The following ZNF248 variants were observed in gnomAD, a reference collection of about 807,000 sequenced individuals.
ZNF248 encodes the protein zinc finger protein 248.
ZNF248 carries 20 observed loss-of-function variants against 44.3 expected under a neutral mutation model. The ratio of observed to expected loss-of-function variants is 0.45; its 90% CI spans 0.32 to 0.66. The LOEUF (loss-of-function observed/expected upper bound fraction) is 0.66. Among genes scored for constraint, ZNF248 ranks in the 30% least tolerant of loss-of-function variants. The pLI, the probability that ZNF248 is intolerant of heterozygous loss-of-function variation, is 0.04. For synonymous variants in ZNF248, 224 were observed against 229.0 expected, an observed-to-expected ratio of 0.98 and a Z score of 0.20; for missense variants, 654 against 677.0, an observed-to-expected ratio of 0.97 and a Z score of 0.38.
At chr10:37,802,346 G>A (rs1478790482) in intron 6 of ZNF248, among the ~76,000 whole-genome samples, 2 of 152,140 alleles carry the variant, frequency 1.3e-5, no homozygotes, top group Non-Finnish European at 2.9e-5. Context: ...TAGAAAACTT[G>A]CATGCAAGGT....
chr10:37,813,644 A>G (rs1454118409), intron 6 of ZNF248, among the ~76,000 whole-genome samples: 1 of 152,176 alleles, frequency 6.6e-6, no homozygotes, highest in Non-Finnish European at 1.5e-5. Context: ...ATAGTATATA[A>G]TACATATACA....
At chr10:37,813,759 T>C (rs1008272584) in intron 6 of ZNF248, among the ~76,000 whole-genome samples, 3 of 152,206 alleles carry the variant, frequency 2.0e-5, no homozygotes, top group Non-Finnish European at 4.4e-5. Context: ...TGCGTGTGCA[T>C]GTGTTTGTGT....
chr10:37,838,097 G>T lies in ZNF248; in HGVS notation c.30C>A (p.Phe10Leu). 6.2e-7 allele frequency: 1 copy of T among 1,612,544 alleles called. No individual in the cohort carries two copies. Among genetic ancestry groups the T allele is most frequent in the South Asian group, 1.1e-5 (1 of 90,952 alleles). The change falls in exon 4 of 6, where the codon TTC (phenylalanine) becomes TTA (leucine). Residue 10 changes from phenylalanine (F) to leucine (L), a missense_variant. Transcript: ENST00000395867. Reference protein sequence around the residue: MNKSQEQVSFKDVCVDFTQE... With the variant: MNKSQEQVSLKDVCVDFTQE... ...GAGTGAAGTCCACACATACATCCTT[G>T]AATGACACTTGTTCCTGTAATAGTA...
chr10:37,794,237 A>T (rs1197226498), intron 6 of ZNF248: 1 of 152,254 alleles, frequency 6.6e-6, no homozygotes, highest in Non-Finnish European at 1.5e-5. Context: ...GATTTCTTAC[A>T]TTCATTATAC....
At chr10:37,784,922 T>G (rs2047709975) in intron 6 of ZNF248, among the ~76,000 whole-genome samples, 1 of 152,204 alleles carries the variant, frequency 6.6e-6, no homozygotes, top group South Asian at 2.1e-4. Context: ...GTTGGACACT[T>G]ACCCCACCGT....
At chr10:37,838,631 C>CA (rs1463106060) in intron 3 of ZNF248, among the ~76,000 whole-genome samples, 2 of 151,862 alleles carry the variant, frequency 1.3e-5, no homozygotes, top group African/African-American at 4.8e-5. Context: ...CCTCTCCGCT[C>CA]AATGAGATCA....
At chr10:37,836,909 T>C (rs1295371265) in intron 5 of ZNF248, among the ~76,000 whole-genome samples, 1 of 152,072 alleles carries the variant, frequency 6.6e-6, no homozygotes, top group Admixed American at 6.6e-5. Context: ...CATCATATGT[T>C]GTTAAATGAA....
At chr10:37,850,642 C>A (rs1355414003) in intron 3 of ZNF248, among the ~76,000 whole-genome samples, 2 of 152,146 alleles carry the variant, frequency 1.3e-5, no homozygotes, top group Non-Finnish European at 2.9e-5. Flanking sequence ...TAGGCCTACA[C>A]AAATATACTT....
At chr10:37,811,519 G>C (rs2051486104) in intron 6 of ZNF248, among the ~76,000 whole-genome samples, 1 of 152,044 alleles carries the variant, frequency 6.6e-6, no homozygotes, top group Admixed American at 6.5e-5. Context: ...CGGCTTGATA[G>C]TTTTAGAAAG....
chr10:37,780,786 G>A (rs541628502), intron 6 of ZNF248, among the ~76,000 whole-genome samples: 3 of 152,180 alleles, frequency 2.0e-5, no homozygotes, highest in Admixed American at 6.5e-5. Flanking sequence ...CACTGCCCCC[G>A]AGCCGCGCGG....
intron 6 of ZNF248, among the ~76,000 whole-genome samples, chr10:37,792,874 A>C (rs2133094284): frequency 6.6e-6 from 1 of 152,342 alleles, no homozygotes; most frequent in South Asian, 2.1e-4. Flanking sequence ...GAAAAACACC[A>C]TTAACAGAAA....
intron 6 of ZNF248, chr10:37,820,050 C>T: frequency 1.2e-6 from 1 of 814,834 alleles, no homozygotes. Flanking sequence ...CTCATTGTCA[C>T]ACATCTATTT....
chr10:37,841,345 A>G (rs1007886628), intron 3 of ZNF248, among the ~76,000 whole-genome samples: 12 of 152,150 alleles, frequency 7.9e-5, no homozygotes, highest in African/African-American at 2.9e-4. Flanking sequence ...TATTTATTTT[A>G]AAGTTATGTT....
chr10:37,848,357 A>G (rs1014855658), intron 3 of ZNF248, among the ~76,000 whole-genome samples: 3 of 152,118 alleles, frequency 2.0e-5, no homozygotes, highest in Non-Finnish European at 4.4e-5. Context: ...GCTGAGATGG[A>G]CAGATCGCCT....
rs2134287401 is a variant in ZNF248, at chr10:37,842,751, AT to A, written c.16-4641del. Among the ~76,000 whole-genome samples the A allele has an allele frequency of 2.0e-5, 3 of 152,350 alleles. No homozygotes were observed. In the East Asian group the frequency reaches 5.8e-4, roughly 29 times the overall value. On this transcript the variant is annotated intron_variant, in intron 3 of 5. Transcript: ENST00000395867. Reference sequence around the variant, plus strand: ...TGCAGCAGAGGATTATGGTTGAGACATATAGTATACCACTTAAGGCCTGAGA... The same window carrying A: ...TGCAGCAGAGGATTATGGTTGAGACAATAGTATACCACTTAAGGCCTGAGA...
intron 6 of ZNF248, among the ~76,000 whole-genome samples, chr10:37,780,388 C>A (rs913130354): frequency 6.6e-6 from 1 of 152,156 alleles, no homozygotes; most frequent in African/African-American, 2.4e-5. Context: ...TGATCTTTGA[C>A]AAACCTGAGA....
intron 6 of ZNF248, among the ~76,000 whole-genome samples, chr10:37,782,955 G>A (rs1341400097): frequency 2.0e-5 from 3 of 152,152 alleles, no homozygotes; most frequent in African/African-American, 7.2e-5. Flanking sequence ...TAATACAAAT[G>A]GCAAAGGGAC....
chr10:37,808,997 C>T (rs1252999039), intron 6 of ZNF248, among the ~76,000 whole-genome samples: 3 of 152,044 alleles, frequency 2.0e-5, no homozygotes, highest in African/African-American at 7.2e-5. Flanking sequence ...GCCATTTCAT[C>T]TATGTTATCC....
chr10:37,844,367 T>C (rs1457181663), intron 3 of ZNF248, among the ~76,000 whole-genome samples: 2 of 151,868 alleles, frequency 1.3e-5, no homozygotes, highest in East Asian at 3.9e-4. Context: ...AAATGGAAGG[T>C]TGAAATTAAA....
Sources: gnomAD v4.1 joint callset for allele counts (sites outside exome capture counted in the v4.1 genomes callset) on GRCh38, gnomAD v4.1.1 for gene constraint, MANE v1.5 for transcripts, NCBI Gene and HGNC (gene_info 2026-07-23, HGNC 2026-07-21) for gene names.